The following SENP5 variants were observed in gnomAD, a reference collection of about 807,000 sequenced individuals.
SENP5 encodes sentrin-specific protease 5.
In SENP5, 21 loss-of-function variants were observed where a neutral mutation model predicts 74.2. That is an observed-to-expected ratio of 0.28 (90% confidence interval 0.20 to 0.41). The LOEUF is 0.41. Among genes scored for constraint, SENP5 ranks in the 10% least tolerant of loss-of-function variants. The pLI is 1.00. For missense variants in SENP5, 717 were observed against 889.1 expected, an observed-to-expected ratio of 0.81 and a Z score of 2.46; for synonymous variants, 311 against 312.7, an observed-to-expected ratio of 0.99 and a Z score of 0.06.
rs1716164475 is a variant in SENP5, at chr3:196,934,376, A to G, written c.*3453A>G. On this transcript the variant is annotated 3_prime_UTR_variant, in exon 10 of 10. Coordinates refer to ENST00000323460, the MANE Select transcript of SENP5 (RefSeq NM_152699.5). ...GGGTTCTGGGCAGGTCAGACTCTTC[A>G]GCAAGACAGTGTATTAATAGTGTGA... 6.6e-6 allele frequency: 1 copy of G among 152,350 alleles called. No homozygotes were observed. The highest frequency in any genetic ancestry group is 2.1e-4 in the South Asian group (1 of 4,832). 9.4% of individuals were successfully genotyped at this position (152,350 alleles called of 1,614,324 possible).
intron 2 of SENP5, among the ~76,000 whole-genome samples, chr3:196,892,827 A>G (rs1288852165): frequency 6.6e-6 from 1 of 152,170 alleles, no homozygotes; most frequent in Admixed American, 6.5e-5. Flanking sequence ...TGTGTCTGGC[A>G]TATTTCACAT....
At chr3:196,914,502 T>A (rs1170973857) in intron 6 of SENP5, 1 of 144,796 alleles carries the variant, frequency 6.9e-6, no homozygotes, top group Non-Finnish European at 1.5e-5. Context: ...TGGTAGGTGC[T>A]TATAGTTCCA....
At chr3:196,922,368 A>G (rs190366969) in intron 6 of SENP5, among the ~76,000 whole-genome samples, 2 of 152,316 alleles carry the variant, frequency 1.3e-5, no homozygotes, top group Admixed American at 1.3e-4. Context: ...CATGATCTTA[A>G]CTGCTGCTTA....
intron 2 of SENP5, among the ~76,000 whole-genome samples, chr3:196,898,508 T>C (rs935455944): frequency 1.3e-5 from 2 of 151,492 alleles, no homozygotes; most frequent in African/African-American, 4.9e-5. Flanking sequence ...AGCAGGAGGA[T>C]GGCTTGAGCC....
At chr3:196,879,116 A>G (rs559455714) in intron 1 of SENP5, among the ~76,000 whole-genome samples, 1 of 152,294 alleles carries the variant, frequency 6.6e-6, no homozygotes, top group South Asian at 2.1e-4. Context: ...TGTTTATTGC[A>G]TGATACTTAG....
At chr3:196,911,623 C>A (rs1025920992) in intron 6 of SENP5, among the ~76,000 whole-genome samples, 1 of 150,980 alleles carries the variant, frequency 6.6e-6, no homozygotes, top group East Asian at 1.9e-4. Context: ...CAGTTGGGCG[C>A]GGTGGCTCAC....
At chr3:196,871,831 G>C (rs1296008663) in intron 1 of SENP5, among the ~76,000 whole-genome samples, 3 of 150,420 alleles carry the variant, frequency 2.0e-5, no homozygotes, top group Non-Finnish European at 4.4e-5. Context: ...CTCCAGCCTG[G>C]GTGACACAGT....
chr3:196,905,934 C>T (rs1714884535), intron 6 of SENP5, among the ~76,000 whole-genome samples: 1 of 152,076 alleles, frequency 6.6e-6, no homozygotes, highest in Non-Finnish European at 1.5e-5. Context: ...TACAAAAAGA[C>T]ATCACTTTGG....
chr3:196,874,547 T>G (rs1338630344), intron 1 of SENP5, among the ~76,000 whole-genome samples: 1 of 152,148 alleles, frequency 6.6e-6, no homozygotes, highest in Non-Finnish European at 1.5e-5. Context: ...CTTATCTCCC[T>G]GGTCATTTTT....
rs59960385 is a variant in SENP5 at position 196,898,178 on chromosome 3, T to TAAA, written c.1514-1481_1514-1479dup. 2.1e-5 allele frequency among the ~76,000 whole-genome samples: 3 copies of TAAA among 143,424 alleles called. 1 individual carries two copies. The highest frequency in any genetic ancestry group is 3.0e-5 in the Non-Finnish European group (2 of 66,268). The allele number at this position is 143,424 out of a possible 152,430, so 94.1% of individuals were successfully genotyped here. A position where few individuals can be genotyped will look rare whatever the true frequency, so the allele number is the denominator to read the frequency against. ...GGGTGAAAAGAGCAAGGCTTTGTCT[T>TAAA]AAAAAAAAAGAAAAAAGAAAAGAAA... On this transcript the variant is annotated intron_variant, in intron 2 of 9. Coordinates refer to ENST00000323460, the MANE Select transcript of SENP5 (RefSeq NM_152699.5).
intron 6 of SENP5, among the ~76,000 whole-genome samples, chr3:196,907,117 G>A (rs192549112): frequency 1.3e-5 from 2 of 152,224 alleles, no homozygotes; most frequent in Non-Finnish European, 2.9e-5. Flanking sequence ...GTAGAGGATT[G>A]TTCAAATTTA....
chr3:196,898,482 C>T (rs1163086594), intron 2 of SENP5, among the ~76,000 whole-genome samples: 1 of 151,430 alleles, frequency 6.6e-6, no homozygotes, highest in Non-Finnish European at 1.5e-5. Context: ...TGCCTATAGT[C>T]CCAGCTAACT....
intron 1 of SENP5, among the ~76,000 whole-genome samples, chr3:196,879,647 C>T (rs913431950): frequency 2.0e-5 from 3 of 152,220 alleles, no homozygotes; most frequent in Non-Finnish European, 4.4e-5. Flanking sequence ...TTCCTGCATC[C>T]TGTGTATTCT....
At chr3:196,900,863 C>A (rs1366173127) in intron 5 of SENP5, among the ~76,000 whole-genome samples, 1 of 151,724 alleles carries the variant, frequency 6.6e-6, no homozygotes, top group Non-Finnish European at 1.5e-5. Flanking sequence ...GCTGGGATTA[C>A]AGGTGTGAGC....
chr3:196,878,073 A>G (rs1713560255), intron 1 of SENP5, among the ~76,000 whole-genome samples: 2 of 152,228 alleles, frequency 1.3e-5, no homozygotes, highest in Admixed American at 6.5e-5. Context: ...CAATGAGAAT[A>G]ACAACAATAT....
rs191945030 is a variant in SENP5 at position 196,887,220 on chromosome 3, G to A, written c.1513+526G>A. Among the ~76,000 whole-genome samples, 379 of 151,550 alleles carry A rather than the reference G, an allele frequency of 2.5e-3. 3 individuals are homozygous for A. The highest frequency in any genetic ancestry group is 0.01 in the Middle Eastern group (3 of 292). The stretch of plus-strand genomic sequence containing the variant: ...TTTTGAGATGGAGTCTTACTCTGTC[G>A]CCAGGCTGGAGTGCAATGGTGAGAT... On this transcript the variant is annotated intron_variant, in intron 2 of 9. Coordinates refer to ENST00000323460, the MANE Select transcript of SENP5 (RefSeq NM_152699.5).
At chr3:196,872,944 C>T (rs1374954185) in intron 1 of SENP5, among the ~76,000 whole-genome samples, 3 of 152,090 alleles carry the variant, frequency 2.0e-5, no homozygotes, top group Non-Finnish European at 4.4e-5. Flanking sequence ...ATATTTAAAT[C>T]ATTTGACCAA....
chr3:196,920,578 A>G (rs1715576703), intron 6 of SENP5, among the ~76,000 whole-genome samples: 1 of 152,302 alleles, frequency 6.6e-6, no homozygotes, highest in African/African-American at 2.4e-5. Context: ...AAGTAATGAG[A>G]GAGGACATCT....
intron 6 of SENP5, chr3:196,914,522 G>C (rs1039259401): frequency 7.1e-6 from 1 of 140,730 alleles, no homozygotes; most frequent in African/African-American, 2.7e-5. Context: ...AGCTACTCCG[G>C]AGGCTGAGGC....
Sources: gnomAD v4.1 joint callset for allele counts (sites outside exome capture counted in the v4.1 genomes callset) on GRCh38, gnomAD v4.1.1 for gene constraint, MANE v1.5 for transcripts, NCBI Gene and HGNC (gene_info 2026-07-23, HGNC 2026-07-21) for gene names.